The following MARVELD2 variants were observed in gnomAD, a reference collection of about 807,000 sequenced individuals.
MARVELD2 encodes MARVEL domain-containing protein 2.
A neutral mutation model predicts 57.6 loss-of-function variants in MARVELD2; 49 were observed. That is an observed-to-expected ratio of 0.85 (90% CI 0.68 to 1.08). The LOEUF (loss-of-function observed/expected upper bound fraction) is 1.08, where lower values mean the gene tolerates loss of function less well. MARVELD2 is among the 50% of genes least tolerant of loss of function. The probability of loss-of-function intolerance (pLI) is 0.00; values close to 1 mark genes in which losing one functional copy is unlikely to be tolerated. For missense variants in MARVELD2, 606 were observed against 701.1 expected (o/e 0.86, Z 1.53); for synonymous variants, 238 against 258.8 (o/e 0.92, Z 0.77).
At position 69,419,624 on chromosome 5, in the gene MARVELD2, G is replaced by A. The variant is rs910487069; in HGVS notation, c.239G>A (p.Arg80His). 37 of 1,613,986 alleles carry A rather than the reference G, an allele frequency of 2.3e-5. No individual in the cohort carries two copies. The highest frequency in any genetic ancestry group is 2.7e-5 in the African/African-American group (2 of 74,898). Residue 80 changes from arginine to histidine, a missense_variant, in exon 2 of 7, where the codon CGC becomes CAC. By Grantham distance (29) the Arg-to-His change is conservative. Coordinates refer to ENST00000325631, the MANE Select transcript of MARVELD2 (RefSeq NM_001038603.3). ...GCGCCAGATCTCAAACCAGTAAGGC[G>A]CTTTGTCCCTGACTCCTGGAAGAAC... ...AIAPDLKPVR[R>H]FVPDSWKNFF... is the part of the protein sequence containing the mutation.
At position 69,419,993 on chromosome 5, in the gene MARVELD2, T is replaced by TG; in HGVS notation, c.613dup (p.Ala205GlyfsTer16). ...ATACTGGGTGTGGTGGAGCTGCTTT[T>TG]GGGGGCCGGTGTCTTTGCTTGTGTC... On this transcript the variant is annotated frameshift_variant, in exon 2 of 7. Transcript: ENST00000325631. LOFTEE classifies it high-confidence loss of function. 1 of 1,614,144 alleles carries TG rather than the reference T, an allele frequency of 6.2e-7. No homozygotes were observed. The highest frequency in any genetic ancestry group is 1.1e-5 in the South Asian group (1 of 91,074).
At chr5:69,439,126 A>G (rs1248621069) in intron 5 of MARVELD2, among the ~76,000 whole-genome samples, 1 of 151,400 alleles carries the variant, frequency 6.6e-6, no homozygotes, top group African/African-American at 2.4e-5. Flanking sequence ...CAGTGATAGA[A>G]AAAGTTCTCA....
chr5:69,420,023 C>T lies in MARVELD2; in HGVS notation c.638C>T (p.Ala213Val). 1.2e-6 allele frequency: 2 copies of T among 1,614,148 alleles called. No homozygotes were observed. Among genetic ancestry groups the T allele is most frequent in the Non-Finnish European group, 1.7e-6 (2 of 1,180,034 alleles). The change falls in exon 2 of 7, where the codon GCT becomes GTT. Residue 213 changes from alanine (A) to valine (V), a missense_variant. Physicochemically the swap from Ala to Val is moderately conservative, Grantham distance 64. Transcript: ENST00000325631. ...GCCGGTGTCTTTGCTTGTGTCACAG[C>T]TTACATTCACAAGGACAGTGAGTGG... ...LGAGVFACVT[A>V]YIHKDSEWYN... is the part of the protein sequence containing the mutation.
intron 2 of MARVELD2, among the ~76,000 whole-genome samples, chr5:69,423,795 C>A (rs1766701825): frequency 6.6e-6 from 1 of 152,156 alleles, no homozygotes; most frequent in Non-Finnish European, 1.5e-5. Context: ...AATAATTTAT[C>A]TTGCTAGAAC....
chr5:69,431,072 C>G (rs1020950536), intron 3 of MARVELD2, among the ~76,000 whole-genome samples: 1 of 150,930 alleles, frequency 6.6e-6, no homozygotes, highest in Admixed American at 6.6e-5. Context: ...TAGGCTTACA[C>G]GTGTAAGCCC....
intron 5 of MARVELD2, among the ~76,000 whole-genome samples, chr5:69,436,425 A>T (rs1767141503): frequency 7.2e-6 from 1 of 139,436 alleles, no homozygotes; most frequent in South Asian, 2.5e-4. Flanking sequence ...ACACACACAC[A>T]CACACACACA....
At chr5:69,441,124 A>G (rs962115439) in intron 6 of MARVELD2, among the ~76,000 whole-genome samples, 3 of 152,082 alleles carry the variant, frequency 2.0e-5, no homozygotes, top group East Asian at 3.8e-4. Context: ...GAGACCGTTT[A>G]TTAGTATTTT....
At chr5:69,432,285 A>G (rs1766988156) in intron 3 of MARVELD2, among the ~76,000 whole-genome samples, 2 of 152,204 alleles carry the variant, frequency 1.3e-5, no homozygotes, top group South Asian at 4.1e-4. Context: ...TGCTGGGATT[A>G]CAGGCGTGAG....
chr5:69,418,009 G>A (rs1766483074), intron 1 of MARVELD2, among the ~76,000 whole-genome samples: 1 of 152,088 alleles, frequency 6.6e-6, no homozygotes. Context: ...TCAGGAGGCT[G>A]AGGCAGCTGG....
chr5:69,441,683 A>AT lies in MARVELD2; in HGVS notation c.*33dup, dbSNP rs771123160. ...TTATTTGAAACCACTTTATTTTTTT[A>AT]TTTTATTTTATTTTTTTGAGATGAA... On this transcript the variant is annotated 3_prime_UTR_variant, in exon 7 of 7. Transcript: ENST00000325631. 6.9e-7 allele frequency: 1 copy of AT among 1,447,376 alleles called. No individual in the cohort carries two copies. The highest frequency in any genetic ancestry group is 1.2e-5 in the South Asian group (1 of 84,678). 89.7% of individuals were successfully genotyped at this position (1,447,376 alleles called of 1,614,324 possible).
Position 69,424,799 on chromosome 5 carries a change from C to T in MARVELD2, c.1182+163C>T, listed in dbSNP as rs143627707. Among the ~76,000 whole-genome samples, 343 of 152,006 alleles carry T rather than the reference C, an allele frequency of 2.3e-3. 3 individuals carry two copies. The highest frequency in any genetic ancestry group is 0.017 in the Middle Eastern group (5 of 294). ...CAGCACTTTGGGAGGCTGAGGAGGG[C>T]GGAGCACTTGAGACCAGAATTTCAA... On this transcript the variant is annotated intron_variant, in intron 3 of 6. Coordinates refer to ENST00000325631, the MANE Select transcript of MARVELD2 (RefSeq NM_001038603.3).
At chr5:69,415,278 C>T (rs764600235) in intron 1 of MARVELD2, 108 bp downstream of exon 1, 5 of 152,250 alleles carry the variant, frequency 3.3e-5, no homozygotes, top group Non-Finnish European at 7.3e-5. Flanking sequence ...CTCAGCCTGC[C>T]ATAGCCCGCG....
chr5:69,430,578 G>C (rs1766930270), intron 3 of MARVELD2, among the ~76,000 whole-genome samples: 1 of 151,694 alleles, frequency 6.6e-6, no homozygotes, highest in Non-Finnish European at 1.5e-5. Flanking sequence ...CTGTCACCCA[G>C]GCTAGAGTGC....
rs61736168 is a variant in MARVELD2 at position 69,432,997 on chromosome 5, C to T, written c.1407C>T (p.Tyr469=). ...TGTTCCAAGACCAGTTTTCAGAGTA[C>T]AAAGAGCTGTCTGCAGAAGTTCAGG... is the stretch of plus-strand genomic sequence containing the variant. The part of the protein sequence containing the change: ...KAVFQDQFSE[Y]KELSAEVQAV... Residue 469 remains tyrosine (Y), a synonymous_variant, in exon 5 of 7, where the codon TAC becomes TAT. Transcript: ENST00000325631. 1.7e-3 allele frequency: 2,745 copies of T among 1,614,140 alleles called. 3 individuals are homozygous for T. The highest frequency in any genetic ancestry group is 2.4e-3 in the Admixed American group (143 of 60,008).
chr5:69,429,849 A>C (rs984555688), intron 3 of MARVELD2, among the ~76,000 whole-genome samples: 1 of 1,324 alleles, frequency 7.6e-4, no homozygotes. Flanking sequence ...CTGTATCAAA[A>C]AAAAAAAAAA....
rs766199160 is a variant in MARVELD2 at position 69,433,032 on chromosome 5, G to A, written c.1442G>A (p.Arg481Lys). Residue 481 changes from arginine (R) to lysine (K), a missense_variant, in exon 5 of 7, where the codon AGG (arginine) becomes AAG (lysine). Physicochemically the swap from Arg to Lys is conservative, Grantham distance 26 (BLOSUM62 2). Transcript: ENST00000325631. ...TCTGCAGAAGTTCAGGCTGTCCTGA[G>A]GAAGTTTGATGAGCTGGATGCAGTG... is the stretch of plus-strand genomic sequence containing the variant. ...ELSAEVQAVLRKFDELDAVMS... is the reference protein window; with the variant it reads ...ELSAEVQAVLKKFDELDAVMS... 1 of 1,614,204 alleles carries A rather than the reference G, an allele frequency of 6.2e-7. No individual in the cohort carries two copies. The highest frequency in any genetic ancestry group is 1.7e-5 in the Admixed American group (1 of 60,004).
intron 1 of MARVELD2, chr5:69,419,046 C>T (rs1203429744): frequency 7.8e-6 from 3 of 383,350 alleles, no homozygotes; most frequent in Non-Finnish European, 9.6e-6. Context: ...ATACCTCAGC[C>T]ACCTGAGTAG....
intron 5 of MARVELD2, among the ~76,000 whole-genome samples, chr5:69,434,334 T>C (rs547399225): frequency 6.6e-6 from 1 of 152,114 alleles, no homozygotes; most frequent in Non-Finnish European, 1.5e-5. Flanking sequence ...CATGGTGGCA[T>C]GCACCTGTAG....
intron 3 of MARVELD2, among the ~76,000 whole-genome samples, chr5:69,431,779 T>C (rs148713777): frequency 6.6e-6 from 1 of 152,096 alleles, no homozygotes; most frequent in East Asian, 1.9e-4. Context: ...TGTTAACTCT[T>C]ATTTCCACTT....
Sources: gnomAD v4.1 joint callset for allele counts (sites outside exome capture counted in the v4.1 genomes callset) on GRCh38, gnomAD v4.1.1 for gene constraint, MANE v1.5 for transcripts, NCBI Gene and HGNC (gene_info 2026-07-23, HGNC 2026-07-21) for gene names.